The following CCDC3 variants were observed in gnomAD, a reference collection of about 807,000 sequenced individuals.
The protein encoded by CCDC3 is coiled-coil domain containing 3.
In CCDC3, 24 loss-of-function variants were observed where a neutral mutation model predicts 21.4. The observed-to-expected ratio is 1.12, with a 90% CI of 0.81 to 1.58. The LOEUF is 1.58. Ranked by LOEUF, CCDC3 falls within the 40% of genes most tolerant of loss-of-function variation. The pLI, the probability that CCDC3 is intolerant of heterozygous loss-of-function variation, is 0.00. For synonymous variants in CCDC3, 186 were observed against 166.0 expected, an observed-to-expected ratio of 1.12 and a Z score of -0.93; for missense variants, 425 against 360.9, an observed-to-expected ratio of 1.18 and a Z score of -1.44.
At chr10:13,038,320 C>T (rs1836405446) in intron 5 of CCDC3, among the ~76,000 whole-genome samples, 1 of 144,472 alleles carries the variant, frequency 6.9e-6, no homozygotes. Context: ...ACACATTTAC[C>T]TATGTAAATG....
intron 2 of CCDC3, among the ~76,000 whole-genome samples, chr10:12,944,157 A>C (rs1480603510): frequency 6.6e-6 from 1 of 152,230 alleles, no homozygotes; most frequent in African/African-American, 2.4e-5. Context: ...TATTTCTTTG[A>C]CATATTCCAA....
Position 13,087,762 on chromosome 10 carries a change from T to C in CCDC3, c.-503+10763A>G, listed in dbSNP as rs147095745. On this transcript the variant is annotated intron_variant, in intron 3 of 6. Transcript: ENST00000378839. ...AAACTGGCGCAGAGAGCTAGGAGCATAGAGAAGCCATAGCCGCCGCTTTCC... is the reference window on the plus strand; with the variant it reads ...AAACTGGCGCAGAGAGCTAGGAGCACAGAGAAGCCATAGCCGCCGCTTTCC... Among the ~76,000 whole-genome samples, 715 of 152,136 alleles carry C rather than the reference T, an allele frequency of 4.7e-3. 6 individuals carry two copies. Among genetic ancestry groups the C allele is most frequent in the African/African-American group, 0.016 (672 of 41,520 alleles).
intron 4 of CCDC3, among the ~76,000 whole-genome samples, chr10:13,055,011 G>C (rs1473021664): frequency 3.3e-5 from 5 of 152,212 alleles, no homozygotes; most frequent in East Asian, 1.9e-4. Flanking sequence ...ACTGACCTCA[G>C]ATCAACAGCT....
intron 2 of CCDC3, among the ~76,000 whole-genome samples, chr10:12,933,740 G>A (rs1260530293): frequency 1.3e-5 from 2 of 152,148 alleles, no homozygotes; most frequent in African/African-American, 2.4e-5. Flanking sequence ...TTACAGGTGT[G>A]AGCCACTGTG....
intron 2 of CCDC3, among the ~76,000 whole-genome samples, chr10:12,900,192 G>A (rs918432199): frequency 2.6e-5 from 4 of 152,128 alleles, no homozygotes; most frequent in Non-Finnish European, 5.9e-5. Flanking sequence ...CCAGTCTCAG[G>A]TATGTCTTTA....
chr10:12,966,056 T>G (rs1835257769), intron 2 of CCDC3, among the ~76,000 whole-genome samples: 1 of 152,258 alleles, frequency 6.6e-6, no homozygotes, highest in Middle Eastern at 3.4e-3. Flanking sequence ...TCACGAGATG[T>G]TCCCAAGGCT....
intron 2 of CCDC3, among the ~76,000 whole-genome samples, chr10:12,938,158 T>G (rs771872215): frequency 3.3e-5 from 5 of 152,224 alleles, no homozygotes; most frequent in Non-Finnish European, 7.3e-5. Context: ...GGTTAGCATT[T>G]TCCTCCCTGA....
At chr10:12,949,840 A>C (rs1834982167) in intron 2 of CCDC3, among the ~76,000 whole-genome samples, 1 of 152,162 alleles carries the variant, frequency 6.6e-6, no homozygotes, top group Admixed American at 6.5e-5. Context: ...ATGGGTGCAG[A>C]GACTGTCAAG....
At chr10:12,910,662 T>G (rs1299337002) in intron 2 of CCDC3, among the ~76,000 whole-genome samples, 1 of 146,140 alleles carries the variant, frequency 6.8e-6, no homozygotes, top group Non-Finnish European at 1.5e-5. Context: ...CAGGCTAGAA[T>G]ATAGTGGCGT....
chr10:12,910,233 T>G lies in CCDC3; in HGVS notation c.550-11554A>C, dbSNP rs114937585. Among the ~76,000 whole-genome samples, 702 of 152,308 alleles carry G rather than the reference T, an allele frequency of 4.6e-3. 4 individuals carry two copies. The highest frequency in any genetic ancestry group is 0.016 in the African/African-American group (676 of 41,578). ...TCCTTGGATTGGAAAGAGCTGTGGG[T>G]GCAATTTAGCAAGACCTTGCTTCAA... On this transcript the variant is annotated intron_variant, in intron 2 of 2. Transcript: ENST00000378825.
chr10:12,957,633 G>C (rs1361453489), intron 2 of CCDC3, among the ~76,000 whole-genome samples: 1 of 152,126 alleles, frequency 6.6e-6, no homozygotes, highest in South Asian at 2.1e-4. Flanking sequence ...TCACGATAGT[G>C]AGAGTTCTCT....
At chr10:12,986,727 C>T (rs1194410879) in intron 2 of CCDC3, among the ~76,000 whole-genome samples, 3 of 150,590 alleles carry the variant, frequency 2.0e-5, no homozygotes, top group South Asian at 2.1e-4. Context: ...GAGCCGAGAT[C>T]GTGCCACTGC....
chr10:12,984,878 G>T (rs2131274790), intron 2 of CCDC3, among the ~76,000 whole-genome samples: 1 of 152,272 alleles, frequency 6.6e-6, no homozygotes, highest in South Asian at 2.1e-4. Flanking sequence ...AAATAGACTA[G>T]CAATTGCTGG....
chr10:12,947,113 T>G (rs1480400821), intron 2 of CCDC3, among the ~76,000 whole-genome samples: 1 of 152,120 alleles, frequency 6.6e-6, no homozygotes, highest in East Asian at 1.9e-4. Flanking sequence ...TTCAAAGTAA[T>G]GTAACATTCC....
At chr10:13,012,045 A>C (rs1344548148) in intron 5 of CCDC3, among the ~76,000 whole-genome samples, 2 of 151,082 alleles carry the variant, frequency 1.3e-5, no homozygotes, top group Non-Finnish European at 3.0e-5. Context: ...ACAAAAATCA[A>C]CTCAAGATGG....
At chr10:12,965,807 A>G (rs1349355433) in intron 2 of CCDC3, among the ~76,000 whole-genome samples, 1 of 152,260 alleles carries the variant, frequency 6.6e-6, no homozygotes, top group Non-Finnish European at 1.5e-5. Context: ...AAGTTGGCTC[A>G]GCCCTAAAGA....
chr10:13,096,422 C>A (rs1015352805), intron 3 of CCDC3, among the ~76,000 whole-genome samples: 3 of 152,050 alleles, frequency 2.0e-5, no homozygotes, highest in South Asian at 2.1e-4. Flanking sequence ...TGACCTCAAA[C>A]GATCCTCCCA....
chr10:13,027,047 T>C (rs1377956674), intron 5 of CCDC3, among the ~76,000 whole-genome samples: 1 of 152,224 alleles, frequency 6.6e-6, no homozygotes, highest in African/African-American at 2.4e-5. Flanking sequence ...TTAGTTCCCA[T>C]GGCAATCTTG....
chr10:13,050,456 C>CTTTTTT (rs35126304), intron 4 of CCDC3, among the ~76,000 whole-genome samples: 3 of 98,594 alleles, frequency 3.0e-5, no homozygotes, highest in Non-Finnish European at 5.9e-5. Flanking sequence ...ATTATTTATT[C>CTTTTTT]TTTTTTTTTT....
Sources: allele counts gnomAD v4.1 joint callset (sites outside exome capture counted in the v4.1 genomes callset), GRCh38; gene constraint gnomAD v4.1.1; transcripts MANE v1.5; gene names NCBI Gene and HGNC (gene_info 2026-07-23, HGNC 2026-07-21).